Variants in NFIL3 observed in about 807,000 individuals in gnomAD.
The protein encoded by NFIL3 is nuclear factor interleukin-3-regulated protein.
In NFIL3, 5 loss-of-function variants were observed where a neutral mutation model predicts 10.0. The ratio of observed to expected loss-of-function variants is 0.50; its 90% CI spans 0.26 to 1.06. NFIL3 has a LOEUF of 1.06. Among genes scored for constraint, NFIL3 ranks in the 50% least tolerant of loss-of-function variants. The pLI is 0.13. For missense variants in NFIL3, 436 were observed against 547.6 expected (o/e 0.80, Z 2.03); for synonymous variants, 202 against 206.5 (o/e 0.98, Z 0.19).
At chr9:91,428,207 C>T (rs1833889971), upstream of NFIL3, among the ~76,000 whole-genome samples, 1 of 152,104 alleles carries the variant, frequency 6.6e-6, no homozygotes, top group Admixed American at 6.5e-5. Context: ...AGTTTTTCTA[C>T]CTTTGTTGAC....
intron 1 of NFIL3, among the ~76,000 whole-genome samples, chr9:91,413,908 TA>T (rs11329401): frequency 0.39 from 58,786 of 149,590 alleles, 13,969 homozygotes; most frequent in African/African-American, 0.68. Flanking sequence ...TGTTCCTTCT[TA>T]AAAAAAAAAA....
At chr9:91,459,354 G>A in the NFIL3 span, among the ~76,000 whole-genome samples, 1 of 152,174 alleles carries the variant, frequency 6.6e-6, no homozygotes, top group Non-Finnish European at 1.5e-5. Context: ...GTTGGATCTT[G>A]CTTCCTTATC....
At chr9:91,449,821 C>T in the NFIL3 span, among the ~76,000 whole-genome samples, 1 of 151,960 alleles carries the variant, frequency 6.6e-6, no homozygotes. Context: ...TCAGTAAAGC[C>T]GTCTGGTCCT....
chr9:91,481,888 G>C, the NFIL3 span, among the ~76,000 whole-genome samples: 1 of 151,946 alleles, frequency 6.6e-6, no homozygotes, highest in Admixed American at 6.6e-5. Context: ...AATTACTAAC[G>C]ATCAATAAAC....
chr9:91,410,579 C>T lies in NFIL3; in HGVS notation c.156G>A (p.Val52=), dbSNP rs1024865614. 1.2e-6 allele frequency: 2 copies of T among 1,614,202 alleles called. No individual in the cohort carries two copies. The highest frequency in any genetic ancestry group is 1.7e-5 in the Admixed American group (1 of 60,032). The change falls in exon 2 of 2, where the codon GTG becomes GTA. Residue 52 remains valine (V), a synonymous_variant. Transcript: ENST00000297689. The surrounding 1 kb of genome is among the most constrained non-coding windows in gnomAD (Gnocchi z 5.7). ...GACATGCAGAAGATTTGTTCTTCCC[C>T]ACACTTCCTTCACTGAGAAGCAGCT... ...GEELLLSEGS[V]GKNKSSACRR...
upstream of NFIL3, among the ~76,000 whole-genome samples, chr9:91,425,424 G>T (rs1435868835): frequency 6.6e-6 from 1 of 152,264 alleles, no homozygotes; most frequent in East Asian, 1.9e-4. Context: ...CAGCGTTGTG[G>T]TTTTGAACGC....
chr9:91,427,238 A>T (rs1311266099), upstream of NFIL3: 2 of 152,230 alleles, frequency 1.3e-5, no homozygotes, highest in African/African-American at 4.8e-5. Context: ...TCATTAAAAA[A>T]TAAAAGACTG....
In NFIL3 at chr9:91,409,392, T is replaced by C. The variant is rs754932388; in HGVS notation, c.1343A>G (p.Lys448Arg). 4 of 1,607,390 alleles carry C rather than the reference T, an allele frequency of 2.5e-6. No homozygotes were observed. Among genetic ancestry groups the C allele is most frequent in the African/African-American group, 2.7e-5 (2 of 74,616 alleles). The change falls in exon 2 of 2, where the codon AAG becomes AGG. Residue 448 changes from lysine to arginine, a missense_variant. Physicochemically the swap from Lys to Arg is conservative, Grantham distance 26 (BLOSUM62 2). Around this residue, in one of 3 missense-constraint regions of NFIL3, gnomAD observed 338 missense variants for 399.9 expected, o/e 0.85. Coordinates refer to ENST00000297689, the MANE Select transcript of NFIL3 (RefSeq NM_005384.3). ...GATTGGTTGTGTGGCTATAAGTCTC[T>C]TGAGTGAGACAACCTCTGCAGATAA... is the stretch of plus-strand genomic sequence containing the variant. ...ANLSAEVVSLKRLIATQPISA... is the reference protein window; with the variant it reads ...ANLSAEVVSLRRLIATQPISA...
the NFIL3 span, among the ~76,000 whole-genome samples, chr9:91,478,775 T>C: frequency 1.1e-4 from 16 of 152,316 alleles, no homozygotes; most frequent in Middle Eastern, 3.4e-3. Context: ...CTGATCTTCA[T>C]GGATTTACCT....
the NFIL3 span, among the ~76,000 whole-genome samples, chr9:91,444,926 G>A: frequency 6.6e-6 from 1 of 152,258 alleles, no homozygotes; most frequent in South Asian, 2.1e-4. Context: ...CAGGGCCCAG[G>A]TGCTCTGAGT....
the NFIL3 span, among the ~76,000 whole-genome samples, chr9:91,432,243 G>T: frequency 6.6e-6 from 1 of 152,184 alleles, no homozygotes; most frequent in East Asian, 1.9e-4. Context: ...ATGTTTAGTG[G>T]CATGATGTCC....
the NFIL3 span, among the ~76,000 whole-genome samples, chr9:91,449,304 G>GT: frequency 6.6e-6 from 1 of 152,004 alleles, no homozygotes; most frequent in African/African-American, 2.4e-5. Flanking sequence ...AAGAATTTTA[G>GT]TTTTTTGCCA....
At chr9:91,474,470 T>C in the NFIL3 span, among the ~76,000 whole-genome samples, 10 of 152,184 alleles carry the variant, frequency 6.6e-5, no homozygotes, top group African/African-American at 2.4e-4. Flanking sequence ...TTCCAGTATG[T>C]GGTGATTCTC....
the NFIL3 span, among the ~76,000 whole-genome samples, chr9:91,456,697 T>A: frequency 6.6e-6 from 1 of 152,186 alleles, no homozygotes. Flanking sequence ...GTCTGAATTT[T>A]GATAAAGTCT....
the NFIL3 span, among the ~76,000 whole-genome samples, chr9:91,431,035 G>C: frequency 6.6e-6 from 1 of 152,170 alleles, no homozygotes; most frequent in Non-Finnish European, 1.5e-5. Flanking sequence ...AGGGAACCTT[G>C]GGGAGTGACA....
At chr9:91,425,166 G>T (rs762470989), upstream of NFIL3, among the ~76,000 whole-genome samples, 4 of 152,152 alleles carry the variant, frequency 2.6e-5, no homozygotes, top group Non-Finnish European at 4.4e-5. Context: ...TGGGCCGAGT[G>T]CCTCCACGAC....
the NFIL3 span, among the ~76,000 whole-genome samples, chr9:91,472,763 TC>T: frequency 1.3e-5 from 2 of 152,210 alleles, no homozygotes; most frequent in African/African-American, 4.8e-5. Flanking sequence ...GGAGCTATGA[TC>T]CTTTGGAGGA....
At chr9:91,481,492 T>C in the NFIL3 span, among the ~76,000 whole-genome samples, 1 of 152,148 alleles carries the variant, frequency 6.6e-6, no homozygotes, top group Non-Finnish European at 1.5e-5. Context: ...TGCTTTTTGA[T>C]GGCTGTGATT....
chr9:91,462,118 T>C, the NFIL3 span, among the ~76,000 whole-genome samples: 2 of 152,188 alleles, frequency 1.3e-5, no homozygotes. Flanking sequence ...GTATATATGT[T>C]ACTACAAACT....
Sources: allele counts gnomAD v4.1 joint callset (sites outside exome capture counted in the v4.1 genomes callset), GRCh38; gene constraint gnomAD v4.1.1; regional missense constraint gnomAD v4.1.1; non-coding constraint Gnocchi (gnomAD v3.1); transcripts MANE v1.5; gene names NCBI Gene and HGNC (gene_info 2026-07-23, HGNC 2026-07-21).